REXO1: variants seen among roughly 807,000 people sequenced by gnomAD.
REXO1 encodes the protein RNA exonuclease 1 homolog, also known as REX1, RNA exonuclease 1 homolog.
A neutral mutation model predicts 102.6 loss-of-function variants in REXO1; 42 were observed. The observed-to-expected ratio is 0.41, with a 90% CI of 0.32 to 0.53. The LOEUF is 0.53. Among genes scored for constraint, REXO1 ranks in the 20% least tolerant of loss-of-function variants. REXO1 has a pLI of 0.27. For missense variants in REXO1, 1,819 were observed against 1,732.5 expected, an observed-to-expected ratio of 1.05 and a Z score of -0.89; for synonymous variants, 908 against 779.1, an observed-to-expected ratio of 1.17 and a Z score of -2.76.
In REXO1 at chr19:1,826,989, C is replaced by G. The variant is rs757440946; in HGVS notation, c.1800G>C (p.Ser600=). 6.4e-7 allele frequency: 1 copy of G among 1,560,068 alleles called. No individual in the cohort carries two copies. The highest frequency in any genetic ancestry group is 8.7e-7 in the Non-Finnish European group (1 of 1,153,336). Reference sequence around the variant, plus strand: ...CAAAGTCCACCTCCTTCTCCAGGGCCGAGTAGTCCACATCCGCCCCCGCGC... The same window carrying G: ...CAAAGTCCACCTCCTTCTCCAGGGCGGAGTAGTCCACATCCGCCCCCGCGC... ...TSSAGADVDY[S]ALEKEVDFDS... The change falls in exon 2 of 16, where the codon TCG becomes TCC. Residue 600 remains serine (S), a synonymous_variant. Coordinates refer to ENST00000170168, the MANE Select transcript of REXO1 (RefSeq NM_020695.4). The surrounding 1 kb of genome is among the most constrained non-coding windows in gnomAD (Gnocchi z 4.3).
At chr19:1,825,191 T>G (rs2069672802) in intron 3 of REXO1, among the ~76,000 whole-genome samples, 2 of 148,658 alleles carry the variant, frequency 1.3e-5, no homozygotes, top group Non-Finnish European at 1.5e-5. Context: ...TCCCAGGTAC[T>G]CGGGAGGCTG....
Position 1,828,182 on chromosome 19 carries a change from G to A in REXO1, c.607C>T (p.Pro203Ser). 6.2e-7 allele frequency: 1 copy of A among 1,608,096 alleles called. No individual in the cohort carries two copies. Among genetic ancestry groups the A allele is most frequent in the East Asian group, 2.2e-5 (1 of 44,850 alleles). The change falls in exon 2 of 16, where the codon CCC becomes TCC. Residue 203 changes from proline to serine, a missense_variant. By Grantham distance (74) the Pro-to-Ser change is moderately conservative. Transcript: ENST00000170168. ...CGCCGGGGCTGGCTCACAGCCTTGG[G>A]GACGTATTCCAGGGCACCGCCACCC... ...GGGGGALEYV[P>S]KAVSQPRRHS...
chr19:1,827,065 G>A lies in REXO1; in HGVS notation c.1724C>T (p.Pro575Leu), dbSNP rs765052361. Residue 575 changes from proline (P) to leucine (L), a missense_variant, in exon 2 of 16, where the codon CCC becomes CTC. Pro to Leu is a moderately conservative substitution (Grantham distance 98). Coordinates refer to ENST00000170168, the MANE Select transcript of REXO1 (RefSeq NM_020695.4). ...GPPKRLKASP[P>L]PSPAPSSSSS... is the part of the protein sequence containing the mutation. Reference sequence around the variant, plus strand: ...GGAGGAGGATGGGGCGGGGGAGGGGGGCGGGGAGGCCTTGAGCCGCTTGGG... The same window carrying A: ...GGAGGAGGATGGGGCGGGGGAGGGGAGCGGGGAGGCCTTGAGCCGCTTGGG... The A allele has an allele frequency of 6.2e-6, 5 of 807,748 alleles. No homozygotes were observed. The highest frequency in any genetic ancestry group is 3.3e-5 in the African/African-American group (2 of 60,244). The allele number at this position is 807,748 out of a possible 1,614,324, so 50.0% of individuals were successfully genotyped here.
chr19:1,823,589 T>C lies in REXO1; in HGVS notation c.2213A>G (p.Asn738Ser). ...GGACTCACCTGCAGCCAGGCGGGGGTTGGGGATGTGGGCGATCCTCCTCTT... is the reference window on the plus strand; with the variant it reads ...GGACTCACCTGCAGCCAGGCGGGGGCTGGGGATGTGGGCGATCCTCCTCTT... ...GEKRRIAHIP[N>S]PRLAAAPTGA... The change falls in exon 4 of 16, where the codon AAC becomes AGC. Residue 738 changes from asparagine (N) to serine (S), a missense_variant. Transcript: ENST00000170168. 1 of 1,315,560 alleles carries C rather than the reference T, an allele frequency of 7.6e-7. No homozygotes were observed. The highest frequency in any genetic ancestry group is 2.4e-5 in the South Asian group (1 of 41,236). The allele number at this position is 1,315,560 out of a possible 1,614,324, so 81.5% of individuals were successfully genotyped here.
chr19:1,838,602 T>A (rs186433043), intron 1 of REXO1, among the ~76,000 whole-genome samples: 1 of 149,918 alleles, frequency 6.7e-6, no homozygotes, highest in African/African-American at 2.5e-5. Context: ...GAGGCGGACG[T>A]TGCGGTGAGC....
At chr19:1,818,927 A>G in intron 8 of REXO1, 84 bp from the exon 9 acceptor site, 1 of 1,578,746 alleles carries the variant, frequency 6.3e-7, no homozygotes, top group Non-Finnish European at 8.6e-7. Flanking sequence ...CTGGGCCGGC[A>G]GGGGCCCACG....
Position 1,815,995 on chromosome 19 carries a change from C to A in REXO1, c.*71G>T. On this transcript the variant is annotated 3_prime_UTR_variant, in exon 16 of 16. Coordinates refer to ENST00000170168, the MANE Select transcript of REXO1 (RefSeq NM_020695.4). This position sits in a 1 kb window ranked among gnomAD's most constrained non-coding sequence, Gnocchi z 4.0. The stretch of plus-strand genomic sequence containing the variant: ...GACGGGTTACCGGAGATTTATTGCA[C>A]TGTTTTGGAAGAGGCATGGGGCTAA... The A allele has an allele frequency of 6.5e-7, 1 of 1,536,738 alleles. No homozygotes were observed. Among genetic ancestry groups the A allele is most frequent in the African/African-American group, 1.4e-5 (1 of 73,136 alleles).
At position 1,818,773 on chromosome 19, in the gene REXO1, G is replaced by C. The variant is rs1004340575; in HGVS notation, c.2835C>G (p.Pro945=). The C allele has an allele frequency of 1.8e-5, 29 of 1,610,152 alleles. No homozygotes were observed. The highest frequency in any genetic ancestry group is 1.7e-4 in the Middle Eastern group (1 of 5,750). Residue 945 remains proline (P), a synonymous_variant, in exon 9 of 16, where the codon CCC becomes CCG. Coordinates refer to ENST00000170168, the MANE Select transcript of REXO1 (RefSeq NM_020695.4). ...TQDQLKENGY[P]FPHPERPGGA... ...CCCCGGGCCGCTCTGGGTGCGGGAA[G>C]GGGTAGCCGTTCTCCTTGAGCTGGT...
chr19:1,816,213 A>G lies in REXO1; in HGVS notation c.3577+12T>C. The G allele has an allele frequency of 6.3e-7, 1 of 1,576,782 alleles. No individual in the cohort carries two copies. The highest frequency in any genetic ancestry group is 8.6e-7 in the Non-Finnish European group (1 of 1,160,932). ...GCGCAGGGACGGCCCCAGGGCAGGC[A>G]CCGGCACTCACCATTGTCCTGGATG... On this transcript the variant is annotated intron_variant, in intron 15 of 15. Coordinates refer to ENST00000170168, the MANE Select transcript of REXO1 (RefSeq NM_020695.4).
intron 1 of REXO1, among the ~76,000 whole-genome samples, chr19:1,839,100 CA>C (rs1374355439): frequency 6.6e-6 from 1 of 151,874 alleles, no homozygotes; most frequent in Non-Finnish European, 1.5e-5. Context: ...TACTAAAATA[CA>C]AAAAATTAGC....
Position 1,821,614 on chromosome 19 carries a change from C to T in REXO1, c.2299G>A (p.Gly767Ser), listed in dbSNP as rs1165185001. ...AATGTGCGTGTTTTCAGCTGCTGGC[C>T]ACCTGGCTCAGGGCCGTTGGAGGAC... ...SQSSNGPEPG[G>S]QQLKTRTLSG... Residue 767 changes from glycine to serine, a missense_variant, in exon 5 of 16, where the codon GGC (glycine) becomes AGC (serine). Transcript: ENST00000170168. The T allele has an allele frequency of 1.2e-6, 2 of 1,613,778 alleles. No individual in the cohort carries two copies.
intron 11 of REXO1, 153 bp from the exon 12 acceptor site, chr19:1,817,482 G>A: frequency 1.4e-6 from 2 of 1,474,160 alleles, no homozygotes; most frequent in Non-Finnish European, 1.8e-6. Flanking sequence ...GGGGAAGGGG[G>A]CTTGCCAAGA....
Position 1,828,303 on chromosome 19 carries a change from A to G in REXO1, c.486T>C (p.Asp162=), listed in dbSNP as rs1456109338. 1 of 1,608,534 alleles carries G rather than the reference A, an allele frequency of 6.2e-7. No homozygotes were observed. Among genetic ancestry groups the G allele is most frequent in the Admixed American group, 1.7e-5 (1 of 59,538 alleles). Reference sequence around the variant, plus strand: ...CCAGTGGGGTGGGCTGGTAGCCGGCATCAGGGCTTAATAGGCCGTGGCTGC... The same window carrying G: ...CCAGTGGGGTGGGCTGGTAGCCGGCGTCAGGGCTTAATAGGCCGTGGCTGC... ...SPGSHGLLSP[D]AGYQPTPLAA... The change falls in exon 2 of 16, where the codon GAT becomes GAC. Residue 162 remains aspartate (D), a synonymous_variant. Coordinates refer to ENST00000170168, the MANE Select transcript of REXO1 (RefSeq NM_020695.4).
chr19:1,825,073 TG>T (rs2069669149), intron 3 of REXO1, among the ~76,000 whole-genome samples: 1 of 143,052 alleles, frequency 7.0e-6, no homozygotes, highest in African/African-American at 2.5e-5. Context: ...CCCAGCATTT[TG>T]GGAGGCCGAG....
At chr19:1,830,546 C>T (rs767915247) in intron 1 of REXO1, among the ~76,000 whole-genome samples, 29 of 152,326 alleles carry the variant, frequency 1.9e-4, no homozygotes, top group Non-Finnish European at 3.4e-4. Context: ...AATGTAATTC[C>T]GTAACATCTC....
At chr19:1,823,834 G>C in intron 3 of REXO1, 49 bp from the exon 4 acceptor site, 2 of 920,200 alleles carry the variant, frequency 2.2e-6, no homozygotes, top group Non-Finnish European at 2.9e-6. Flanking sequence ...GGGGCACCTG[G>C]AGCAGGCGAC....
At position 1,815,581 on chromosome 19, in the gene REXO1, C is replaced by T; in HGVS notation, c.*485G>A. 1 of 825,454 alleles carries T rather than the reference C, an allele frequency of 1.2e-6. No homozygotes were observed. Among genetic ancestry groups the T allele is most frequent in the Non-Finnish European group, 1.6e-6 (1 of 626,914 alleles). The allele number at this position is 825,454 out of a possible 1,614,324, so 51.1% of individuals were successfully genotyped here. A position where few individuals can be genotyped will look rare whatever the true frequency, so the allele number is the denominator to read the frequency against. The stretch of plus-strand genomic sequence containing the variant: ...CACCCCCACCCCGCAGGAGGGAAGG[C>T]AGCAGGCCCGCTCTTCCCGGTGGGA... On this transcript the variant is annotated 3_prime_UTR_variant, in exon 16 of 16. Coordinates refer to ENST00000170168, the MANE Select transcript of REXO1 (RefSeq NM_020695.4). The surrounding 1 kb of genome is among the most constrained non-coding windows in gnomAD (Gnocchi z 4.0).
Position 1,844,992 on chromosome 19 carries a change from A to G in REXO1, c.157+3210T>C, listed in dbSNP as rs117454875. On this transcript the variant is annotated intron_variant, in intron 1 of 15. Transcript: ENST00000170168. ...TGGACTTTCCTGCAATCCTCCCCGG[A>G]AGGGTTCCCTCTCCTGGAAGACAGT... Among the ~76,000 whole-genome samples, 149 of 152,266 alleles carry G rather than the reference A, an allele frequency of 9.8e-4. No individual in the cohort carries two copies. The East Asian group carries it at 0.028, about 28-fold the overall frequency.
chr19:1,829,786 C>T (rs944957292), intron 1 of REXO1, among the ~76,000 whole-genome samples: 8 of 152,236 alleles, frequency 5.3e-5, no homozygotes, highest in Non-Finnish European at 1.0e-4. Flanking sequence ...CCAGCCTGCG[C>T]GACAAGAGTG....
Sources: allele counts gnomAD v4.1 joint callset (sites outside exome capture counted in the v4.1 genomes callset), GRCh38; gene constraint gnomAD v4.1.1; non-coding constraint Gnocchi (gnomAD v3.1); transcripts MANE v1.5; gene names NCBI Gene and HGNC (gene_info 2026-07-23, HGNC 2026-07-21).